Variants in KCNH8 observed in about 807,000 individuals in gnomAD.
KCNH8 encodes the protein potassium voltage-gated channel subfamily H member 8, also known as voltage-gated delayed rectifier potassium channel KCNH8.
A neutral mutation model predicts 103.6 loss-of-function variants in KCNH8; 70 were observed. That is an observed-to-expected ratio of 0.68 (90% confidence interval 0.56 to 0.82). The LOEUF (loss-of-function observed/expected upper bound fraction) is 0.82. Among genes scored for constraint, KCNH8 ranks in the 40% least tolerant of loss-of-function variants. The pLI is 0.00. For synonymous variants in KCNH8, 498 were observed against 489.4 expected (o/e 1.02, Z -0.23); for missense variants, 1,217 against 1,329.9 (o/e 0.92, Z 1.32).
At chr3:19,495,796 G>A (rs899582286) in intron 11 of KCNH8, among the ~76,000 whole-genome samples, 6 of 152,028 alleles carry the variant, frequency 3.9e-5, no homozygotes, top group African/African-American at 1.4e-4. Flanking sequence ...ATGCAGTGTG[G>A]CCATTTTAAT....
intron 7 of KCNH8, among the ~76,000 whole-genome samples, chr3:19,421,106 A>T (rs1480949182): frequency 2.6e-5 from 4 of 152,178 alleles, no homozygotes; most frequent in African/African-American, 4.8e-5. Context: ...ACTACTTTTT[A>T]AAAAATTGGT....
At chr3:19,500,271 C>T (rs925710611) in intron 11 of KCNH8, among the ~76,000 whole-genome samples, 4 of 152,114 alleles carry the variant, frequency 2.6e-5, no homozygotes, top group African/African-American at 9.7e-5. Flanking sequence ...TACAAGAGCA[C>T]CCAGAATCAT....
Position 19,148,560 on chromosome 3 carries a change from T to G in KCNH8, c.-160T>G. The G allele has an allele frequency of 1.5e-6, 1 of 688,548 alleles. No homozygotes were observed. The highest frequency in any genetic ancestry group is 2.6e-6 in the Non-Finnish European group (1 of 385,640). The allele number at this position is 688,548 out of a possible 1,614,324, so 42.7% of individuals were successfully genotyped here. On this transcript the variant is annotated 5_prime_UTR_variant, in exon 1 of 16. Coordinates refer to ENST00000328405, the MANE Select transcript of KCNH8 (RefSeq NM_144633.3). ...CCGGGGCGGCTGGAACTCTCTCCCT[T>G]TCTCCCTCCATCCTTCCACTTCCCC...
chr3:19,496,426 G>C (rs565596660), intron 11 of KCNH8, among the ~76,000 whole-genome samples: 4 of 152,170 alleles, frequency 2.6e-5, no homozygotes, highest in African/African-American at 9.7e-5. Context: ...TTTATCAAAA[G>C]ACTTTTCTGC....
At chr3:19,521,931 G>T (rs917457561) in intron 15 of KCNH8, among the ~76,000 whole-genome samples, 2 of 151,830 alleles carry the variant, frequency 1.3e-5, no homozygotes, top group African/African-American at 2.4e-5. Flanking sequence ...AAAATAACCT[G>T]CCAAGCTTAA....
intron 2 of KCNH8, among the ~76,000 whole-genome samples, chr3:19,269,364 A>G (rs2125265026): frequency 6.6e-6 from 1 of 152,204 alleles, no homozygotes; most frequent in South Asian, 2.1e-4. Flanking sequence ...TTAAAAAAAT[A>G]CCTTTTCAGA....
chr3:19,423,825 A>G (rs1305965381), intron 7 of KCNH8, among the ~76,000 whole-genome samples: 1 of 152,162 alleles, frequency 6.6e-6, no homozygotes, highest in Non-Finnish European at 1.5e-5. Flanking sequence ...ATCAAATGGT[A>G]GTTCTACTTT....
At chr3:19,478,670 T>G (rs1349321692) in intron 11 of KCNH8, among the ~76,000 whole-genome samples, 1 of 152,180 alleles carries the variant, frequency 6.6e-6, no homozygotes, top group East Asian at 1.9e-4. Context: ...TATATCTCAT[T>G]TAATTCTCGA....
intron 7 of KCNH8, among the ~76,000 whole-genome samples, chr3:19,404,888 C>T (rs1165613130): frequency 6.6e-6 from 1 of 151,674 alleles, no homozygotes; most frequent in Non-Finnish European, 1.5e-5. Context: ...ATGGCTCTTA[C>T]TAGGCTTCAT....
At chr3:19,305,971 C>T (rs1328355262) in intron 3 of KCNH8, among the ~76,000 whole-genome samples, 2 of 151,886 alleles carry the variant, frequency 1.3e-5, no homozygotes, top group African/African-American at 4.8e-5. Context: ...AAAAAAATGG[C>T]AACATAGGTA....
Position 19,347,794 on chromosome 3 carries a change from C to T in KCNH8, c.640C>T (p.Leu214Phe). Residue 214 changes from leucine to phenylalanine, a missense_variant, in exon 5 of 16, where the codon CTT becomes TTT. This residue lies in a region of KCNH8 where 244 missense variants were observed against 256.8 expected (regional missense o/e 0.95). Coordinates refer to ENST00000328405, the MANE Select transcript of KCNH8 (RefSeq NM_144633.3). Reference sequence around the variant, plus strand: ...TGATGCAAAAAAGTCCAAATTCATACTTCTGCATTTTAGCACTTTTAAAGC... The same window carrying T: ...TGATGCAAAAAAGTCCAAATTCATATTTCTGCATTTTAGCACTTTTAAAGC... ...VSDAKKSKFI[L>F]LHFSTFKAGW... The T allele has an allele frequency of 1.9e-6, 3 of 1,613,268 alleles. No homozygotes were observed. The highest frequency in any genetic ancestry group is 2.2e-5 in the East Asian group (1 of 44,862).
At chr3:19,325,880 A>T (rs2065415850) in intron 3 of KCNH8, among the ~76,000 whole-genome samples, 1 of 152,190 alleles carries the variant, frequency 6.6e-6, no homozygotes, top group Non-Finnish European at 1.5e-5. Flanking sequence ...TTATAAAGAC[A>T]TGCACATGTA....
At chr3:19,475,872 C>T (rs143563529) in intron 11 of KCNH8, among the ~76,000 whole-genome samples, 227 of 152,246 alleles carry the variant, frequency 1.5e-3, no homozygotes, top group African/African-American at 4.4e-3. Flanking sequence ...AATCCCATTA[C>T]GAATTCTCTC....
At chr3:19,355,493 T>C (rs9879169) in intron 5 of KCNH8, among the ~76,000 whole-genome samples, 18,926 of 152,114 alleles carry the variant, frequency 0.12, 1,218 homozygotes, top group Middle Eastern at 0.18. Flanking sequence ...CAAATGTCCA[T>C]CAATGATAGA....
chr3:19,225,988 A>G (rs1331542657), intron 1 of KCNH8, among the ~76,000 whole-genome samples: 1 of 152,198 alleles, frequency 6.6e-6, no homozygotes, highest in Non-Finnish European at 1.5e-5. Context: ...ATCATTAGCA[A>G]TGCACATTGT....
chr3:19,403,399 T>TATAA (rs1491066162), intron 7 of KCNH8, among the ~76,000 whole-genome samples: 1 of 139,794 alleles, frequency 7.2e-6, no homozygotes, highest in African/African-American at 2.6e-5. Flanking sequence ...TATATATATA[T>TATAA]AAAATCCTTC....
At chr3:19,509,839 G>A (rs1575159191) in intron 11 of KCNH8, among the ~76,000 whole-genome samples, 1 of 152,286 alleles carries the variant, frequency 6.6e-6, no homozygotes, top group East Asian at 1.9e-4. Flanking sequence ...GATAGCTCAT[G>A]CCTATGAGCG....
In KCNH8 at chr3:19,415,176, A is replaced by C. The variant is rs532875848; in HGVS notation, c.1177+19865A>C. ...ATGATGGTAATAATAATAATAGCAG[A>C]CATACATGAAGCTTCCTCAGTGCCA... On this transcript the variant is annotated intron_variant, in intron 7 of 15. Transcript: ENST00000328405. Among the ~76,000 whole-genome samples, 4 of 152,000 alleles carry C rather than the reference A, an allele frequency of 2.6e-5. No homozygotes were observed. In the South Asian group the frequency reaches 8.3e-4, roughly 31 times the overall value.
intron 3 of KCNH8, among the ~76,000 whole-genome samples, chr3:19,306,277 AC>A (rs1159286002): frequency 4.6e-5 from 7 of 152,132 alleles, no homozygotes; most frequent in Non-Finnish European, 8.8e-5. Flanking sequence ...AAAAACCTAA[AC>A]TAAACTAAAT....
Sources: gnomAD v4.1 joint callset for allele counts (sites outside exome capture counted in the v4.1 genomes callset) on GRCh38, gnomAD v4.1.1 for gene constraint, gnomAD v4.1.1 regional missense constraint, MANE v1.5 for transcripts, NCBI Gene and HGNC (gene_info 2026-07-23, HGNC 2026-07-21) for gene names.